LARGE1: variants seen among roughly 807,000 people sequenced by gnomAD.
The protein encoded by LARGE1 is LARGE xylosyl- and glucuronyltransferase 1, also known as xylosyl- and glucuronyltransferase LARGE1.
A neutral mutation model predicts 87.6 loss-of-function variants in LARGE1; 43 were observed. The observed-to-expected ratio is 0.49, with a 90% CI of 0.38 to 0.63. The LOEUF (loss-of-function observed/expected upper bound fraction) is 0.63, where lower values mean the gene tolerates loss of function less well. Among genes scored for constraint, LARGE1 ranks in the 30% least tolerant of loss-of-function variants. The probability of loss-of-function intolerance (pLI) is 0.00; values close to 1 mark genes in which losing one functional copy is unlikely to be tolerated. For missense variants in LARGE1, 802 were observed against 1,000.2 expected (o/e 0.80, Z 2.67); for synonymous variants, 434 against 394.6 (o/e 1.10, Z -1.18).
chr22:33,573,755 G>A (rs1011542687), intron 5 of LARGE1, among the ~76,000 whole-genome samples: 4 of 152,150 alleles, frequency 2.6e-5, no homozygotes, highest in South Asian at 2.1e-4. Context: ...GAGTATATTC[G>A]CTGGGTGGTT....
intron 1 of LARGE1, among the ~76,000 whole-genome samples, chr22:33,918,768 T>A (rs1040813393): frequency 1.3e-5 from 2 of 152,084 alleles, no homozygotes; most frequent in East Asian, 3.9e-4. Context: ...TAACCCGAGG[T>A]GACTGCCTCC....
chr22:33,195,815 C>T (rs1443003911), intron 11 of LARGE1, among the ~76,000 whole-genome samples: 2 of 143,588 alleles, frequency 1.4e-5, no homozygotes, highest in South Asian at 2.2e-4. Flanking sequence ...AGTGCAGTGG[C>T]GCGATCTCAG....
At chr22:33,737,488 A>G (rs1193153274) in intron 2 of LARGE1, 2 of 152,138 alleles carry the variant, frequency 1.3e-5, no homozygotes, top group East Asian at 3.9e-4. Flanking sequence ...ACCTGGCTCT[A>G]TTTTTGTGCT....
At chr22:33,564,822 G>T in intron 6 of LARGE1, 26 bp downstream of exon 6, 1 of 1,613,564 alleles carries the variant, frequency 6.2e-7, no homozygotes, top group South Asian at 1.1e-5. Context: ...AGGATATCGG[G>T]GAAAAAACGA....
chr22:33,746,570 T>C (rs2084092281), intron 2 of LARGE1: 1 of 152,234 alleles, frequency 6.6e-6, no homozygotes, highest in South Asian at 2.1e-4. Flanking sequence ...ACTGGCACTT[T>C]GTGCTGGGCA....
At chr22:33,796,841 T>C (rs914378391) in intron 1 of LARGE1, among the ~76,000 whole-genome samples, 2 of 147,506 alleles carry the variant, frequency 1.4e-5, no homozygotes, top group East Asian at 4.1e-4. Context: ...CTCAGCTCAC[T>C]GCAGCCTCCG....
At chr22:33,824,820 C>T (rs796203042) in intron 1 of LARGE1, among the ~76,000 whole-genome samples, 2 of 152,202 alleles carry the variant, frequency 1.3e-5, no homozygotes, top group South Asian at 4.1e-4. Flanking sequence ...AGTACTGGTA[C>T]ACGATATGGC....
the LARGE1 span, among the ~76,000 whole-genome samples, chr22:33,138,017 C>T: frequency 6.6e-6 from 1 of 152,168 alleles, no homozygotes; most frequent in Non-Finnish European, 1.5e-5. Context: ...GTCCACCATC[C>T]TCCAGACTCC....
intron 11 of LARGE1, among the ~76,000 whole-genome samples, chr22:33,172,055 G>A (rs1447447970): frequency 6.6e-6 from 1 of 152,232 alleles, no homozygotes; most frequent in African/African-American, 2.4e-5. Context: ...AGCCTGCCCT[G>A]GATGTGAGAC....
At chr22:33,833,977 C>T (rs904305157) in intron 1 of LARGE1, among the ~76,000 whole-genome samples, 1 of 152,120 alleles carries the variant, frequency 6.6e-6, no homozygotes, top group Non-Finnish European at 1.5e-5. Context: ...AATGAGCCAC[C>T]ATGCCCAGCT....
intron 4 of LARGE1, among the ~76,000 whole-genome samples, chr22:33,616,816 G>A (rs1231221626): frequency 6.6e-6 from 1 of 152,204 alleles, no homozygotes; most frequent in African/African-American, 2.4e-5. Context: ...ATGGGAAGAG[G>A]AGGAAATGAG....
chr22:33,757,437 G>A (rs574507514), intron 2 of LARGE1, among the ~76,000 whole-genome samples: 60 of 152,220 alleles, frequency 3.9e-4, no homozygotes, highest in Non-Finnish European at 7.6e-4. Flanking sequence ...TTCATTTCAC[G>A]TCGGAAGAAA....
intron 6 of LARGE1, among the ~76,000 whole-genome samples, chr22:33,529,365 G>A (rs545398272): frequency 2.0e-5 from 3 of 152,252 alleles, no homozygotes; most frequent in South Asian, 2.1e-4. Context: ...GCTACAGCTC[G>A]AATTACCTTC....
chr22:33,614,918 T>C (rs1220553207), intron 4 of LARGE1, among the ~76,000 whole-genome samples: 4 of 152,220 alleles, frequency 2.6e-5, no homozygotes, highest in Non-Finnish European at 5.9e-5. Context: ...GGGTTGAGCA[T>C]GCTCTCCTGG....
chr22:33,524,345 C>T (rs551368226), intron 6 of LARGE1, among the ~76,000 whole-genome samples: 79 of 151,932 alleles, frequency 5.2e-4, no homozygotes, highest in African/African-American at 1.7e-3. Flanking sequence ...TGCCAGGCTC[C>T]CCACATCTCT....
chr22:33,355,298 A>C (rs970641711), intron 9 of LARGE1, among the ~76,000 whole-genome samples: 3 of 152,220 alleles, frequency 2.0e-5, no homozygotes, highest in African/African-American at 7.2e-5. Context: ...TTAGCAGTTG[A>C]AACTTCTGTA....
intron 1 of LARGE1, among the ~76,000 whole-genome samples, chr22:33,777,091 T>C (rs1401324549): frequency 6.6e-5 from 10 of 152,038 alleles, no homozygotes; most frequent in African/African-American, 2.2e-4. Context: ...AGCCAGAAGA[T>C]GGCACAATTT....
intron 1 of LARGE1, among the ~76,000 whole-genome samples, chr22:33,837,978 C>T (rs2146386555): frequency 6.6e-6 from 1 of 152,336 alleles, no homozygotes; most frequent in South Asian, 2.1e-4. Context: ...CATACTTTCT[C>T]TCTGGCAACT....
intron 10 of LARGE1, among the ~76,000 whole-genome samples, chr22:33,320,548 C>T (rs1053617397): frequency 1.3e-5 from 2 of 152,160 alleles, no homozygotes; most frequent in Non-Finnish European, 2.9e-5. Context: ...TACCATTGTC[C>T]TGAGCACCAT....
Sources: gnomAD v4.1 joint callset for allele counts (sites outside exome capture counted in the v4.1 genomes callset) on GRCh38, gnomAD v4.1.1 for gene constraint, MANE v1.5 for transcripts, NCBI Gene and HGNC (gene_info 2026-07-23, HGNC 2026-07-21) for gene names.